The following RBFOX1 variants were observed in gnomAD, a reference collection of about 807,000 sequenced individuals.
The protein encoded by RBFOX1 is RNA binding protein fox-1 homolog 1.
In RBFOX1, 8 loss-of-function variants were observed where a neutral mutation model predicts 57.7. That is an observed-to-expected ratio of 0.14 (90% CI 0.08 to 0.25). The LOEUF (loss-of-function observed/expected upper bound fraction) is 0.25. RBFOX1 is among the 10% of genes least tolerant of loss of function. RBFOX1 has a pLI of 1.00. For synonymous variants in RBFOX1, 326 were observed against 222.4 expected (o/e 1.47, Z -4.15); for missense variants, 611 against 548.5 (o/e 1.11, Z -1.14).
intron 2 of RBFOX1, among the ~76,000 whole-genome samples, chr16:6,599,636 G>C (rs1238393636): frequency 6.6e-6 from 1 of 152,058 alleles, no homozygotes; most frequent in Non-Finnish European, 1.5e-5. Flanking sequence ...TCCTTTACTA[G>C]TGACACTAAT....
intron 1 of RBFOX1, among the ~76,000 whole-genome samples, chr16:5,386,692 T>A (rs938913632): frequency 7.9e-5 from 12 of 152,134 alleles, no homozygotes; most frequent in African/African-American, 2.9e-4. Flanking sequence ...CACTTCCCCA[T>A]GGCCACCTCC....
intron 3 of RBFOX1, among the ~76,000 whole-genome samples, chr16:6,971,556 TGTGTTCCCAGTTTACATTATTAAAA>T (rs1328145263): frequency 6.6e-6 from 1 of 151,756 alleles, no homozygotes; most frequent in Non-Finnish European, 1.5e-5. Flanking sequence ...GCAAAAGAAA[TGTGTTCCCAGTTTACATTATTAAAA>T]GATCACCAGC....
chr16:7,325,264 C>T lies in RBFOX1; in HGVS notation c.28-192883C>T, dbSNP rs576553443. Among the ~76,000 whole-genome samples, 21 of 152,258 alleles carry T rather than the reference C, an allele frequency of 1.4e-4. No individual in the cohort carries two copies. The East Asian group carries it at 2.7e-3, about 20-fold the overall frequency. On this transcript the variant is annotated intron_variant, in intron 4 of 15. Coordinates refer to ENST00000550418, the MANE Select transcript of RBFOX1 (RefSeq NM_018723.4). ...GACCACTCCATGTGTTATGGCTACT[C>T]GTGATATTCTTATTTCGCAGATAAT...
At chr16:7,629,424 G>A (rs1177235580) in intron 10 of RBFOX1, among the ~76,000 whole-genome samples, 2 of 152,166 alleles carry the variant, frequency 1.3e-5, no homozygotes, top group Non-Finnish European at 2.9e-5. Flanking sequence ...GCACTTGTAA[G>A]GTTGGCTTCT....
intron 4 of RBFOX1, among the ~76,000 whole-genome samples, chr16:7,380,710 C>G (rs551885617): frequency 6.6e-6 from 1 of 152,172 alleles, no homozygotes; most frequent in African/African-American, 2.4e-5. Flanking sequence ...CAACTGTTTT[C>G]GTTTGCACCT....
chr16:6,043,964 G>C (rs935402251), intron 1 of RBFOX1, among the ~76,000 whole-genome samples: 1 of 152,134 alleles, frequency 6.6e-6, no homozygotes, highest in African/African-American at 2.4e-5. Context: ...TTGGCCCAGG[G>C]AAAATAATTT....
At chr16:7,451,337 T>A (rs557294928) in intron 4 of RBFOX1, among the ~76,000 whole-genome samples, 3 of 152,218 alleles carry the variant, frequency 2.0e-5, no homozygotes, top group Non-Finnish European at 4.4e-5. Flanking sequence ...TGAATGCAAA[T>A]AGTAATTTAT....
chr16:5,729,619 C>G (rs1470399946), intron 3 of RBFOX1, among the ~76,000 whole-genome samples: 1 of 152,050 alleles, frequency 6.6e-6, no homozygotes, highest in Non-Finnish European at 1.5e-5. Flanking sequence ...TTACTAAGCT[C>G]ACCTGTATCT....
Position 6,818,239 on chromosome 16 carries a change from C to G in RBFOX1, c.-16+163589C>G, listed in dbSNP as rs370872314. Among the ~76,000 whole-genome samples the G allele has an allele frequency of 1.9e-3, 292 of 152,076 alleles. 2 individuals are homozygous for G. The highest frequency in any genetic ancestry group is 6.9e-3 in the African/African-American group (287 of 41,480). ...CAACGAAATGTTAGCAGACATGATA[C>G]AAGCAGAGGCTTTAGAAGTAGGTGC... On this transcript the variant is annotated intron_variant, in intron 3 of 15. Transcript: ENST00000550418.
intron 4 of RBFOX1, among the ~76,000 whole-genome samples, chr16:7,230,837 T>C (rs951139562): frequency 4.6e-5 from 7 of 152,344 alleles, no homozygotes; most frequent in African/African-American, 7.2e-5. Flanking sequence ...GCAGAGCTGA[T>C]ACTGCAGAGG....
intron 3 of RBFOX1, among the ~76,000 whole-genome samples, chr16:7,017,775 A>C (rs1052044549): frequency 6.6e-6 from 1 of 152,058 alleles, no homozygotes; most frequent in African/African-American, 2.4e-5. Flanking sequence ...ATGAATTATC[A>C]CCCTCTGGGA....
intron 3 of RBFOX1, among the ~76,000 whole-genome samples, chr16:5,705,357 G>C (rs1398439809): frequency 1.3e-5 from 2 of 152,114 alleles, no homozygotes; most frequent in African/African-American, 4.8e-5. Context: ...GAACTTCTGG[G>C]CTAAAGCTAT....
At chr16:6,115,343 G>C (rs1038451190) in intron 1 of RBFOX1, among the ~76,000 whole-genome samples, 7 of 152,164 alleles carry the variant, frequency 4.6e-5, no homozygotes, top group African/African-American at 1.2e-4. Context: ...GGCTTGCATA[G>C]GATTGCATGC....
chr16:5,426,491 A>C (rs184984977), intron 1 of RBFOX1, among the ~76,000 whole-genome samples: 1 of 152,250 alleles, frequency 6.6e-6, no homozygotes, highest in African/African-American at 2.4e-5. Context: ...GGAAGAGGTG[A>C]CCCCTCAGGT....
intron 11 of RBFOX1, among the ~76,000 whole-genome samples, chr16:7,633,998 T>TGC (rs2061377030): frequency 6.6e-6 from 1 of 152,190 alleles, no homozygotes; most frequent in Non-Finnish European, 1.5e-5. Context: ...TGCAGGCCTG[T>TGC]GCGCACACAC....
At chr16:5,455,033 G>A (rs7500031) in intron 1 of RBFOX1, among the ~76,000 whole-genome samples, 1 of 68,538 alleles carries the variant, frequency 1.5e-5, no homozygotes, top group African/African-American at 5.1e-5. Flanking sequence ...CTCTCTCTCT[G>A]TCTGTCTCTC....
At chr16:5,425,105 C>CTATCTATTTATCTATT (rs1555515007) in intron 1 of RBFOX1, among the ~76,000 whole-genome samples, 2 of 131,462 alleles carry the variant, frequency 1.5e-5, no homozygotes, top group Non-Finnish European at 1.6e-5. Context: ...ATCTATCTAT[C>CTATCTATTTATCTATT]TATCTATCTA....
In RBFOX1 at chr16:6,367,588, T is replaced by A. The variant is rs570972819; in HGVS notation, c.-64+50531T>A. On this transcript the variant is annotated intron_variant, in intron 2 of 15. Transcript: ENST00000550418. The stretch of plus-strand genomic sequence containing the variant: ...CCTGGCCCCTTCTTGGATTTTCTTA[T>A]GCATTTGAAATCAGGTAAAGCTAAA... 5.3e-5 allele frequency among the ~76,000 whole-genome samples: 8 copies of A among 152,206 alleles called. No homozygotes were observed. The South Asian group carries it at 8.3e-4, about 16-fold the overall frequency.
chr16:6,088,938 TA>T (rs1331795464), intron 1 of RBFOX1, among the ~76,000 whole-genome samples: 6 of 151,368 alleles, frequency 4.0e-5, no homozygotes, highest in African/African-American at 1.5e-4. Context: ...CTACTAAAAA[TA>T]CAAAAAATTA....
Sources: gnomAD v4.1 joint callset for allele counts (sites outside exome capture counted in the v4.1 genomes callset) on GRCh38, gnomAD v4.1.1 for gene constraint, MANE v1.5 for transcripts, NCBI Gene and HGNC (gene_info 2026-07-23, HGNC 2026-07-21) for gene names.